The following CERK variants were observed in gnomAD, a reference collection of about 807,000 sequenced individuals.
CERK encodes ceramide kinase.
Under a neutral mutation model 63.4 loss-of-function variants are expected in CERK, and 39 were observed. That is an observed-to-expected ratio of 0.61 (90% CI 0.48 to 0.80). The LOEUF (loss-of-function observed/expected upper bound fraction) is 0.80, where lower values mean the gene tolerates loss of function less well. CERK is among the 30% of genes least tolerant of loss of function. The pLI is 0.00. For missense variants in CERK, 670 were observed against 714.1 expected (o/e 0.94, Z 0.70); for synonymous variants, 302 against 280.0 (o/e 1.08, Z -0.78).
At chr22:46,713,694 C>T (rs1156470477) in intron 3 of CERK, among the ~76,000 whole-genome samples, 4 of 152,020 alleles carry the variant, frequency 2.6e-5, no homozygotes, top group African/African-American at 7.3e-5. Context: ...CTACTGGGTG[C>T]GACCAACATG....
In CERK at chr22:46,691,056, T is replaced by TACACACACACACAA. The variant is rs1555982640; in HGVS notation, c.1332+515_1332+516insTTGTGTGTGTGTGT. Reference sequence around the variant, plus strand: ...ACATACACACACATGTATACATACATACACACACACACACACACACACACA... The same window carrying TACACACACACACAA: ...ACATACACACACATGTATACATACATACACACACACACAAACACACACACACACACACACACACA... On this transcript the variant is annotated intron_variant, in intron 11 of 12. Coordinates refer to ENST00000216264, the MANE Select transcript of CERK (RefSeq NM_022766.6). Among the ~76,000 whole-genome samples, 3 of 147,304 alleles carry TACACACACACACAA rather than the reference T, an allele frequency of 2.0e-5. No homozygotes were observed. In the East Asian group the frequency reaches 6.0e-4, roughly 30 times the overall value.
intron 6 of CERK, among the ~76,000 whole-genome samples, chr22:46,706,008 A>C (rs181443313): frequency 6.6e-6 from 1 of 152,238 alleles, no homozygotes; most frequent in South Asian, 2.1e-4. Flanking sequence ...ACTGCACTCC[A>C]AACTAGGTGA....
intron 12 of CERK, among the ~76,000 whole-genome samples, chr22:46,688,150 T>C (rs2082712866): frequency 6.6e-6 from 1 of 152,064 alleles, no homozygotes; most frequent in South Asian, 2.1e-4. Context: ...ACCTCGCCAT[T>C]GCACTCCAGC....
intron 1 of CERK, among the ~76,000 whole-genome samples, chr22:46,723,436 T>C (rs1361093982): frequency 6.6e-6 from 1 of 152,006 alleles, no homozygotes; most frequent in Non-Finnish European, 1.5e-5. Context: ...CTGGCCAACA[T>C]GGTGAAACCC....
chr22:46,703,786 C>T (rs2146558660), intron 6 of CERK, among the ~76,000 whole-genome samples: 1 of 152,334 alleles, frequency 6.6e-6, no homozygotes, highest in South Asian at 2.1e-4. Context: ...CCTGCCGAAC[C>T]ACCGCCTCCA....
rs369108537 is a variant in CERK at position 46,714,985 on chromosome 22, G to GA, written c.380-2693dup. ...ATTAATGTAACTCAACACATTAATT[G>GA]AAAAAAAAAAAGAAAGTCATACAGT... is the stretch of plus-strand genomic sequence containing the variant. On this transcript the variant is annotated intron_variant, in intron 3 of 12. Coordinates refer to ENST00000216264, the MANE Select transcript of CERK (RefSeq NM_022766.6). This position sits in a 1 kb window ranked among gnomAD's most constrained non-coding sequence, Gnocchi z 4.4. Among the ~76,000 whole-genome samples, 5,881 of 140,022 alleles carry GA rather than the reference G, an allele frequency of 0.042. 353 individuals carry two copies. The highest frequency in any genetic ancestry group is 0.14 in the African/African-American group (5,345 of 38,576). 91.9% of individuals were successfully genotyped at this position (140,022 alleles called of 152,430 possible). A position where few individuals can be genotyped will look rare whatever the true frequency, so the allele number is the denominator to read the frequency against.
intron 3 of CERK, among the ~76,000 whole-genome samples, chr22:46,712,820 T>G (rs987150070): frequency 2.0e-5 from 3 of 150,834 alleles, no homozygotes; most frequent in African/African-American, 7.3e-5. Context: ...CTGGGTTTCC[T>G]CAGTCACCCC....
At chr22:46,706,278 C>T (rs1039510270) in intron 6 of CERK, among the ~76,000 whole-genome samples, 13 of 152,214 alleles carry the variant, frequency 8.5e-5, no homozygotes, top group African/African-American at 1.2e-4. Context: ...GGGGCCCTCC[C>T]GAGCCGTCTG....
At chr22:46,731,488 C>G (rs866651125) in intron 1 of CERK, among the ~76,000 whole-genome samples, 1 of 152,246 alleles carries the variant, frequency 6.6e-6, no homozygotes, top group Non-Finnish European at 1.5e-5. Flanking sequence ...GCAGTACCAG[C>G]GCCGTTCCCT....
intron 11 of CERK, among the ~76,000 whole-genome samples, chr22:46,690,723 G>A (rs765006072): frequency 4.6e-5 from 7 of 152,092 alleles, no homozygotes; most frequent in Non-Finnish European, 8.8e-5. Flanking sequence ...ACTAGACTCG[G>A]GTCTTCCTCT....
At chr22:46,726,825 C>G (rs1006022104) in intron 1 of CERK, among the ~76,000 whole-genome samples, 3 of 151,372 alleles carry the variant, frequency 2.0e-5, no homozygotes, top group Non-Finnish European at 4.4e-5. Flanking sequence ...GTCTGATACA[C>G]AGATGGAAGG....
intron 1 of CERK, among the ~76,000 whole-genome samples, chr22:46,734,455 G>A (rs540441734): frequency 1.6e-4 from 25 of 151,860 alleles, no homozygotes; most frequent in Non-Finnish European, 2.6e-4. Context: ...GCACAAAGAC[G>A]TGCACATGGC....
intron 9 of CERK, among the ~76,000 whole-genome samples, chr22:46,694,624 C>T (rs1003711151): frequency 6.6e-6 from 1 of 152,188 alleles, no homozygotes; most frequent in African/African-American, 2.4e-5. Context: ...CAGCCCGAGC[C>T]TTCTTGCTGA....
chr22:46,715,799 AC>A (rs1273870686), intron 3 of CERK, among the ~76,000 whole-genome samples: 9 of 152,374 alleles, frequency 5.9e-5, no homozygotes, highest in East Asian at 1.9e-4. Context: ...GAAGCGGAAA[AC>A]AATAGAGCTT....
intron 12 of CERK, 81 bp from the exon 13 acceptor site, chr22:46,687,287 TG>T: frequency 5.0e-6 from 3 of 600,598 alleles, no homozygotes; most frequent in Non-Finnish European, 7.4e-6. Context: ...GGACAGGGGC[TG>T]CAGTAAACCC....
intron 10 of CERK, among the ~76,000 whole-genome samples, chr22:46,692,766 A>G (rs1259409868): frequency 1.3e-5 from 2 of 151,874 alleles, no homozygotes; most frequent in Non-Finnish European, 2.9e-5. Flanking sequence ...TTAGCTGGGC[A>G]TGGTGGCACA....
At chr22:46,701,815 G>T (rs2082786035) in intron 6 of CERK, 105 bp from the exon 7 acceptor site, 1 of 726,636 alleles carries the variant, frequency 1.4e-6, no homozygotes. Flanking sequence ...CATGGCCCTA[G>T]AGTCAACACT....
At chr22:46,711,627 T>C (rs1284526489) in intron 4 of CERK, among the ~76,000 whole-genome samples, 3 of 152,228 alleles carry the variant, frequency 2.0e-5, no homozygotes, top group Admixed American at 2.0e-4. Context: ...GTCTCCTCTT[T>C]TGAGAATTTT....
At position 46,738,131 on chromosome 22, in the gene CERK, C is replaced by A; in HGVS notation, c.18G>T (p.Ala6=). Residue 6 remains alanine (A), a synonymous_variant, in exon 1 of 13, where the codon GCG becomes GCT. Coordinates refer to ENST00000216264, the MANE Select transcript of CERK (RefSeq NM_022766.6). MGATG[A]AEPLQSVLWV... is the part of the protein sequence containing the mutation. ...ACAGCACGGATTGCAGCGGCTCCGC[C>A]GCCCCCGTCGCCCCCATCTCCGCCG... is the stretch of plus-strand genomic sequence containing the variant. The A allele has an allele frequency of 8.2e-7, 1 of 1,214,798 alleles. No homozygotes were observed. The highest frequency in any genetic ancestry group is 1.0e-6 in the Non-Finnish European group (1 of 974,098). The allele number at this position is 1,214,798 out of a possible 1,614,324, so 75.3% of individuals were successfully genotyped here.
Sources: allele counts gnomAD v4.1 joint callset (sites outside exome capture counted in the v4.1 genomes callset), GRCh38; gene constraint gnomAD v4.1.1; non-coding constraint Gnocchi (gnomAD v3.1); transcripts MANE v1.5; gene names NCBI Gene and HGNC (gene_info 2026-07-23, HGNC 2026-07-21).